Variants in ALDH18A1 observed in about 807,000 individuals in gnomAD.
The protein encoded by ALDH18A1 is delta-1-pyrroline-5-carboxylate synthase.
ALDH18A1 carries 44 observed loss-of-function variants against 88.8 expected under a neutral mutation model. That is an observed-to-expected ratio of 0.50 (90% CI 0.39 to 0.64). The LOEUF (loss-of-function observed/expected upper bound fraction) is 0.64, where lower values mean the gene tolerates loss of function less well. Ranked by LOEUF, ALDH18A1 falls within the 30% of genes least tolerant of loss-of-function variation. The pLI, the probability that ALDH18A1 is intolerant of heterozygous loss-of-function variation, is 0.00. For synonymous variants in ALDH18A1, 331 were observed against 372.1 expected, an observed-to-expected ratio of 0.89 and a Z score of 1.27; for missense variants, 782 against 1,009.5, an observed-to-expected ratio of 0.77 and a Z score of 3.05.
intron 1 of ALDH18A1, among the ~76,000 whole-genome samples, chr10:95,654,754 A>G (rs1459459505): frequency 6.6e-6 from 1 of 151,566 alleles, no homozygotes; most frequent in Non-Finnish European, 1.5e-5. Flanking sequence ...CAATTTTTTC[A>G]TAACACTGAA....
At chr10:95,642,437 G>C (rs1343530916) in intron 3 of ALDH18A1, among the ~76,000 whole-genome samples, 1 of 151,434 alleles carries the variant, frequency 6.6e-6, no homozygotes, top group Admixed American at 6.6e-5. Flanking sequence ...AACATAGCAA[G>C]ACCCCTGTCT....
At chr10:95,639,764 A>G (rs973344829) in intron 3 of ALDH18A1, among the ~76,000 whole-genome samples, 13 of 152,076 alleles carry the variant, frequency 8.5e-5, no homozygotes, top group African/African-American at 3.1e-4. Flanking sequence ...TCTTTCATTC[A>G]TGGGTTCCCT....
chr10:95,626,910 C>A, intron 9 of ALDH18A1, 134 bp from the exon 10 acceptor site: 1 of 874,996 alleles, frequency 1.1e-6, no homozygotes, highest in Non-Finnish European at 1.9e-6. Flanking sequence ...TCTTGGTATG[C>A]TTGTTTCACA....
chr10:95,614,363 A>T (rs574916080), intron 13 of ALDH18A1, among the ~76,000 whole-genome samples: 1 of 152,234 alleles, frequency 6.6e-6, no homozygotes, highest in Admixed American at 6.5e-5. Flanking sequence ...AACACTATAT[A>T]CTCGGTGCTG....
Position 95,611,254 on chromosome 10 carries a change from A to G in ALDH18A1, c.2110+2T>C, listed in dbSNP as rs1157151698. ...GTATGCGGGAAGCATCTGGACACTG[A>G]CCGTCCTCTGTGACGATGACATCCG... On this transcript the variant is annotated splice_donor_variant, in intron 16 of 17. Coordinates refer to ENST00000371224, the MANE Select transcript of ALDH18A1 (RefSeq NM_002860.4). LOFTEE classifies it high-confidence loss of function. The G allele has an allele frequency of 6.2e-7, 1 of 1,613,682 alleles. No homozygotes were observed. The highest frequency in any genetic ancestry group is 1.3e-5 in the African/African-American group (1 of 74,910).
intron 5 of ALDH18A1, among the ~76,000 whole-genome samples, chr10:95,635,262 G>A (rs1186728459): frequency 1.3e-5 from 2 of 152,110 alleles, no homozygotes; most frequent in African/African-American, 2.4e-5. Context: ...TTCTAGTCAC[G>A]ATGGTGAAAG....
At chr10:95,656,441 C>T (rs1163794294) in intron 1 of ALDH18A1, 156 bp downstream of exon 1, 1 of 152,268 alleles carries the variant, frequency 6.6e-6, no homozygotes, top group East Asian at 1.9e-4. Context: ...GAGGCCCACA[C>T]CTACCCATGG....
In ALDH18A1 at chr10:95,637,080, C is replaced by A. The variant is rs758701380; in HGVS notation, c.558+13G>T. The A allele has an allele frequency of 1.9e-6, 3 of 1,613,436 alleles. No individual in the cohort carries two copies. The highest frequency in any genetic ancestry group is 2.5e-6 in the Non-Finnish European group (3 of 1,179,700). Reference sequence around the variant, plus strand: ...CACAGGTCCCACACCCATTTCAAAGCCCAGCCTCTCACCTGGGCAGCACAG... The same window carrying A: ...CACAGGTCCCACACCCATTTCAAAGACCAGCCTCTCACCTGGGCAGCACAG... On this transcript the variant is annotated intron_variant, in intron 5 of 17. Coordinates refer to ENST00000371224, the MANE Select transcript of ALDH18A1 (RefSeq NM_002860.4).
intron 13 of ALDH18A1, among the ~76,000 whole-genome samples, chr10:95,615,754 A>T (rs1382855012): frequency 1.3e-5 from 2 of 152,162 alleles, no homozygotes; most frequent in Non-Finnish European, 2.9e-5. Context: ...GGAATGTTGG[A>T]GCAAATGAGC....
chr10:95,640,250 T>C (rs2097888915), intron 3 of ALDH18A1, among the ~76,000 whole-genome samples: 1 of 152,178 alleles, frequency 6.6e-6, no homozygotes, highest in South Asian at 2.1e-4. Context: ...GCTTCTCTAG[T>C]GGCCTCCAAA....
intron 3 of ALDH18A1, among the ~76,000 whole-genome samples, chr10:95,638,048 C>T (rs938792065): frequency 1.3e-5 from 2 of 152,166 alleles, no homozygotes; most frequent in African/African-American, 4.8e-5. Context: ...GAGTCTTGCT[C>T]TGTCGCCCAG....
Position 95,626,721 on chromosome 10 carries a change from G to A in ALDH18A1, c.1134C>T (p.Ala378=), listed in dbSNP as rs749391185. Residue 378 remains alanine (A), a synonymous_variant, in exon 10 of 18, where the codon GCC becomes GCT. Coordinates refer to ENST00000371224, the MANE Select transcript of ALDH18A1 (RefSeq NM_002860.4). ...EMARSGGRML[A]TLEPEQRAEI... is the part of the protein sequence containing the mutation. ...TTATTACCTGCTCAGGTTCCAAGGT[G>A]GCCAACATCCTTCCTCCAGATCGCG... 1.2e-6 allele frequency: 2 copies of A among 1,613,858 alleles called. No homozygotes were observed. Among genetic ancestry groups the A allele is most frequent in the Non-Finnish European group, 1.7e-6 (2 of 1,179,856 alleles).
chr10:95,619,593 T>C (rs139007404), intron 12 of ALDH18A1, among the ~76,000 whole-genome samples: 13,144 of 147,284 alleles, frequency 0.089, 694 homozygotes, highest in Middle Eastern at 0.17. Context: ...AACAGAGAGA[T>C]AGACCAATGG....
chr10:95,651,109 GGT>G (rs2097909735), intron 2 of ALDH18A1, among the ~76,000 whole-genome samples: 1 of 151,902 alleles, frequency 6.6e-6, no homozygotes, highest in Non-Finnish European at 1.5e-5. Context: ...CTCCAGCCTG[GGT>G]GACAGGGCAA....
At chr10:95,625,202 A>G (rs2097858580) in intron 11 of ALDH18A1, among the ~76,000 whole-genome samples, 160 bp downstream of exon 11, 1 of 152,188 alleles carries the variant, frequency 6.6e-6, no homozygotes, top group African/African-American at 2.4e-5. Context: ...GAAGGAGAAT[A>G]CCAGCCACCC....
intron 10 of ALDH18A1, among the ~76,000 whole-genome samples, chr10:95,625,687 T>C (rs1403827864): frequency 1.3e-5 from 2 of 151,778 alleles, no homozygotes; most frequent in African/African-American, 4.8e-5. Flanking sequence ...TCCTCCTTTT[T>C]TTTTCTTATG....
chr10:95,621,318 G>GTATTT, intron 11 of ALDH18A1, 67 bp from the exon 12 acceptor site: 2 of 999,376 alleles, frequency 2.0e-6, no homozygotes, highest in Non-Finnish European at 2.9e-6. Context: ...CAACCGATGT[G>GTATTT]TCTTTTTTTT....
In ALDH18A1 at chr10:95,623,739, ATT is replaced by A. The variant is rs199591318; in HGVS notation, c.1246+1621_1246+1622del. Among the ~76,000 whole-genome samples, 181 of 152,198 alleles carry A rather than the reference ATT, an allele frequency of 1.2e-3. 2 individuals carry two copies. In the East Asian group the frequency reaches 0.032, roughly 27 times the overall value. ...CGCCACCAAGCCCGGCTAATTTTGT[ATT>A]TTTAGTAGAGATGAGGTTTCTCCAT... On this transcript the variant is annotated intron_variant, in intron 11 of 17. Transcript: ENST00000371224.
chr10:95,640,315 A>G (rs989829508), intron 3 of ALDH18A1, among the ~76,000 whole-genome samples: 3 of 151,178 alleles, frequency 2.0e-5, no homozygotes, highest in Non-Finnish European at 4.4e-5. Context: ...GGATTTAAAC[A>G]TATTTTGTTG....
Sources: allele counts gnomAD v4.1 joint callset (sites outside exome capture counted in the v4.1 genomes callset), GRCh38; gene constraint gnomAD v4.1.1; transcripts MANE v1.5; gene names NCBI Gene and HGNC (gene_info 2026-07-23, HGNC 2026-07-21).